Variants in RCSD1 observed in about 807,000 individuals in gnomAD.
RCSD1 encodes the protein RCSD domain containing 1, also known as capZ-interacting protein.
RCSD1 carries 26 observed loss-of-function variants against 42.5 expected under a neutral mutation model. The observed-to-expected ratio is 0.61, with a 90% CI of 0.45 to 0.85. The LOEUF (loss-of-function observed/expected upper bound fraction) is 0.85, where lower values mean the gene tolerates loss of function less well. RCSD1 is among the 40% of genes least tolerant of loss of function. The pLI is 0.00. For missense variants in RCSD1, 571 were observed against 528.3 expected (o/e 1.08, Z -0.79); for synonymous variants, 220 against 212.2 (o/e 1.04, Z -0.32).
rs11549478 is a variant in RCSD1, at chr1:167,685,442, C to T, written c.130C>T (p.Arg44Ter). Residue 44 changes from arginine to a stop codon, truncating the protein, a stop_gained, in exon 3 of 7, where the codon CGA becomes TGA. Transcript: ENST00000367854. LOFTEE classifies it high-confidence loss of function. ...AKETPASKPT[R>*]RKPPCSLPLF... The stretch of plus-strand genomic sequence containing the variant: ...CCAGACACCAGCCAGTAAACCAACC[C>T]GAAGGAAACCGCCCTGTTCCCTCCC... 2 of 1,613,774 alleles carry T rather than the reference C, an allele frequency of 1.2e-6. No individual in the cohort carries two copies. Among genetic ancestry groups the T allele is most frequent in the East Asian group, 2.2e-5 (1 of 44,824 alleles).
chr1:167,657,891 GCACACACA>G (rs36021344), intron 1 of RCSD1, among the ~76,000 whole-genome samples: 1 of 148,270 alleles, frequency 6.7e-6, no homozygotes, highest in Non-Finnish European at 1.5e-5. Context: ...GTTTACTCAT[GCACACACA>G]CACACACACA....
chr1:167,662,455 C>T (rs140925987), intron 1 of RCSD1, among the ~76,000 whole-genome samples: 3 of 151,990 alleles, frequency 2.0e-5, no homozygotes, highest in Non-Finnish European at 4.4e-5. Context: ...TTCTTCTCCC[C>T]GTTCACAATT....
At position 167,697,840 on chromosome 1, in the gene RCSD1, G is replaced by C. The variant is rs546591086; in HGVS notation, c.1216G>C (p.Glu406Gln). The change falls in exon 6 of 7, where the codon GAG (glutamate) becomes CAG (glutamine). Residue 406 changes from glutamate (E) to glutamine (Q), a missense_variant and splice_region_variant. Physicochemically the swap from Glu to Gln is conservative, Grantham distance 29 (BLOSUM62 2). Coordinates refer to ENST00000367854, the MANE Select transcript of RCSD1 (RefSeq NM_052862.4). ...VQSEPAVPKP[E>Q]DDTPVQDTKM ...GAGCGAGCCAGCAGTCCCCAAGCCGGAGGTAGGTGGCCTGGCTCGTTCACA... is the reference window on the plus strand; with the variant it reads ...GAGCGAGCCAGCAGTCCCCAAGCCGCAGGTAGGTGGCCTGGCTCGTTCACA... 38 of 1,461,466 alleles carry C rather than the reference G, an allele frequency of 2.6e-5. No homozygotes were observed. The East Asian group carries it at 9.0e-4, about 35-fold the overall frequency. 90.5% of individuals were successfully genotyped at this position (1,461,466 alleles called of 1,614,324 possible).
intron 1 of RCSD1, among the ~76,000 whole-genome samples, chr1:167,651,093 G>C (rs1658291427): frequency 6.6e-6 from 1 of 152,168 alleles, no homozygotes; most frequent in Admixed American, 6.5e-5. Flanking sequence ...CACCAGCCAG[G>C]TGGGACCAAG....
chr1:167,687,887 A>G (rs1467521291), intron 3 of RCSD1, among the ~76,000 whole-genome samples: 3 of 152,254 alleles, frequency 2.0e-5, no homozygotes, highest in Non-Finnish European at 4.4e-5. Flanking sequence ...TGGGTGTTTA[A>G]TGCAGCCACA....
intron 1 of RCSD1, chr1:167,663,531 T>C (rs1363831271): frequency 6.6e-6 from 1 of 152,316 alleles, no homozygotes; most frequent in East Asian, 1.9e-4. Context: ...AAATGGCCCT[T>C]CTCTGAGAGA....
rs72697738 is a variant in RCSD1 at position 167,697,079 on chromosome 1, T to C, written c.475-20T>C. ...TTTTTTATGAGTTTTTGGATAACTTTCCTTAACACTTTCTTCTAGGTGCGG... is the reference window on the plus strand; with the variant it reads ...TTTTTTATGAGTTTTTGGATAACTTCCCTTAACACTTTCTTCTAGGTGCGG... On this transcript the variant is annotated intron_variant, in intron 5 of 6. Coordinates refer to ENST00000367854, the MANE Select transcript of RCSD1 (RefSeq NM_052862.4). The C allele has an allele frequency of 0.055, 87,297 of 1,593,750 alleles. 2,597 individuals carry two copies. The highest frequency in any genetic ancestry group is 0.11 in the Middle Eastern group (668 of 5,942).
chr1:167,693,948 TG>T, intron 4 of RCSD1, 150 bp from the exon 5 acceptor site: 1 of 680,588 alleles, frequency 1.5e-6, no homozygotes, highest in Non-Finnish European at 2.5e-6. Flanking sequence ...CAGGCCATGA[TG>T]GGACAGTGGA....
At chr1:167,687,371 A>G (rs904443235) in intron 3 of RCSD1, among the ~76,000 whole-genome samples, 5 of 139,616 alleles carry the variant, frequency 3.6e-5, no homozygotes, top group African/African-American at 1.7e-4. Context: ...AAAAATACAA[A>G]AAATTAGCAG....
chr1:167,631,580 G>C (rs1030367179), intron 1 of RCSD1, among the ~76,000 whole-genome samples: 5 of 152,174 alleles, frequency 3.3e-5, no homozygotes, highest in Non-Finnish European at 7.3e-5. Context: ...TGCCTCCCAG[G>C]CTCAAAGGAT....
At chr1:167,682,933 A>T (rs1659118892) in intron 1 of RCSD1, among the ~76,000 whole-genome samples, 1 of 152,198 alleles carries the variant, frequency 6.6e-6, no homozygotes, top group Admixed American at 6.5e-5. Context: ...CCGGGACTGG[A>T]CATGTAAAAA....
In RCSD1 at chr1:167,685,420, G is replaced by T. The variant is rs773262747; in HGVS notation, c.109-1G>T. Reference sequence around the variant, plus strand: ...GTGTCTGTCTGTCGCCCTCCCTCCAGACACCAGCCAGTAAACCAACCCGAA... The same window carrying T: ...GTGTCTGTCTGTCGCCCTCCCTCCATACACCAGCCAGTAAACCAACCCGAA... On this transcript the variant is annotated splice_acceptor_variant, in intron 2 of 6. Coordinates refer to ENST00000367854, the MANE Select transcript of RCSD1 (RefSeq NM_052862.4). LOFTEE classifies it high-confidence loss of function. 4.7e-5 allele frequency: 76 copies of T among 1,613,050 alleles called. No homozygotes were observed. Among genetic ancestry groups the T allele is most frequent in the Non-Finnish European group, 5.7e-5 (67 of 1,179,604 alleles).
At chr1:167,682,118 C>T (rs1017577757) in intron 1 of RCSD1, among the ~76,000 whole-genome samples, 14 of 151,862 alleles carry the variant, frequency 9.2e-5, no homozygotes, top group Non-Finnish European at 1.9e-4. Context: ...AACAGCTGTT[C>T]GCAGATCGGA....
At chr1:167,651,854 G>A (rs1053644568) in intron 1 of RCSD1, among the ~76,000 whole-genome samples, 9 of 152,064 alleles carry the variant, frequency 5.9e-5, no homozygotes, top group Admixed American at 5.2e-4. Flanking sequence ...CTTGAGGGGG[G>A]CTGCGTTCCT....
chr1:167,691,235 T>C (rs1255579707), intron 4 of RCSD1, among the ~76,000 whole-genome samples: 1 of 152,202 alleles, frequency 6.6e-6, no homozygotes, highest in Non-Finnish European at 1.5e-5. Flanking sequence ...CTAGACATTG[T>C]CAATGTCCCC....
intron 1 of RCSD1, among the ~76,000 whole-genome samples, chr1:167,680,462 GT>G (rs1413878101): frequency 6.6e-6 from 1 of 151,708 alleles, no homozygotes; most frequent in African/African-American, 2.4e-5. Context: ...TTTTGTTTTT[GT>G]TTTTGTTTTT....
In RCSD1 at chr1:167,697,507, A is replaced by G; in HGVS notation, c.883A>G (p.Arg295Gly). 1 of 1,606,950 alleles carries G rather than the reference A, an allele frequency of 6.2e-7. No individual in the cohort carries two copies. Among genetic ancestry groups the G allele is most frequent in the Non-Finnish European group, 8.5e-7 (1 of 1,176,816 alleles). Residue 295 changes from arginine to glycine, a missense_variant, in exon 6 of 7, where the codon AGG (arginine) becomes GGG (glycine). Physicochemically the swap from Arg to Gly is moderately radical, Grantham distance 125. Coordinates refer to ENST00000367854, the MANE Select transcript of RCSD1 (RefSeq NM_052862.4). ...PQTSGPEAEN[R>G]CGSPREEKPA... Reference sequence around the variant, plus strand: ...GACCTCTGGCCCAGAGGCAGAAAATAGGTGTGGGAGCCCCAGGGAGGAAAA... The same window carrying G: ...GACCTCTGGCCCAGAGGCAGAAAATGGGTGTGGGAGCCCCAGGGAGGAAAA...
At chr1:167,688,168 T>C (rs191759196) in intron 3 of RCSD1, among the ~76,000 whole-genome samples, 1 of 152,276 alleles carries the variant, frequency 6.6e-6, no homozygotes, top group Admixed American at 6.5e-5. Flanking sequence ...GCAATTCAAA[T>C]CAATAGGGTT....
chr1:167,666,085 T>C (rs1658650122), intron 1 of RCSD1, among the ~76,000 whole-genome samples: 1 of 152,238 alleles, frequency 6.6e-6, no homozygotes, highest in South Asian at 2.1e-4. Context: ...GTGCTGGGAT[T>C]ACAGGCGTAA....
Sources: allele counts gnomAD v4.1 joint callset (sites outside exome capture counted in the v4.1 genomes callset), GRCh38; gene constraint gnomAD v4.1.1; transcripts MANE v1.5; gene names NCBI Gene and HGNC (gene_info 2026-07-23, HGNC 2026-07-21).